The following CARMIL1 variants were observed in gnomAD, a reference collection of about 807,000 sequenced individuals.
CARMIL1 encodes the protein F-actin-uncapping protein LRRC16A.
CARMIL1 carries 90 observed loss-of-function variants against 177.1 expected under a neutral mutation model. That is an observed-to-expected ratio of 0.51 (90% CI 0.43 to 0.61). The LOEUF (loss-of-function observed/expected upper bound fraction) is 0.61, where lower values mean the gene tolerates loss of function less well. Among genes scored for constraint, CARMIL1 ranks in the 20% least tolerant of loss-of-function variants. CARMIL1 has a pLI of 0.00. For missense variants in CARMIL1, 1,380 were observed against 1,667.0 expected, an observed-to-expected ratio of 0.83 and a Z score of 3.00; for synonymous variants, 577 against 606.2, an observed-to-expected ratio of 0.95 and a Z score of 0.71.
At chr6:25,416,883 T>A (rs1194681630) in intron 2 of CARMIL1, among the ~76,000 whole-genome samples, 1 of 152,188 alleles carries the variant, frequency 6.6e-6, no homozygotes, top group Non-Finnish European at 1.5e-5. Flanking sequence ...ATTTTACCTC[T>A]ATGCAGAGGT....
At chr6:25,594,170 T>C (rs1814592844) in intron 31 of CARMIL1, among the ~76,000 whole-genome samples, 1 of 152,210 alleles carries the variant, frequency 6.6e-6, no homozygotes, top group Admixed American at 6.5e-5. Context: ...AGGTCCAAGC[T>C]TCTGATGTAC....
chr6:25,581,128 G>T (rs531168332), intron 30 of CARMIL1, 115 bp from the exon 31 acceptor site: 2 of 1,263,756 alleles, frequency 1.6e-6, no homozygotes, highest in Admixed American at 2.2e-5. Context: ...ATCTGTGAAT[G>T]TGTGTTTGCT....
chr6:25,331,965 T>C (rs887083135), intron 2 of CARMIL1, among the ~76,000 whole-genome samples: 10 of 152,234 alleles, frequency 6.6e-5, no homozygotes, highest in Non-Finnish European at 1.2e-4. Flanking sequence ...TTTAAAAATC[T>C]TGTGTGCTTC....
chr6:25,535,795 T>C (rs1028371856), intron 24 of CARMIL1, among the ~76,000 whole-genome samples: 1 of 152,242 alleles, frequency 6.6e-6, no homozygotes, highest in Non-Finnish European at 1.5e-5. Context: ...AATCATTGCA[T>C]GTCATCTTAA....
At chr6:25,310,167 G>A (rs1213648457) in intron 2 of CARMIL1, among the ~76,000 whole-genome samples, 2 of 152,120 alleles carry the variant, frequency 1.3e-5, no homozygotes, top group African/African-American at 4.8e-5. Context: ...ACAAGTTTTT[G>A]TGTGGGCATA....
At chr6:25,450,031 T>G in intron 6 of CARMIL1, 36 bp downstream of exon 6, 6 of 1,502,232 alleles carry the variant, frequency 4.0e-6, no homozygotes, top group Non-Finnish European at 5.5e-6. Flanking sequence ...TGTGAATAGC[T>G]GGATGGATAT....
At chr6:25,571,171 G>A (rs1317801495) in intron 29 of CARMIL1, among the ~76,000 whole-genome samples, 1 of 151,980 alleles carries the variant, frequency 6.6e-6, no homozygotes, top group East Asian at 1.9e-4. Context: ...GGGAAGGTAG[G>A]TCTAGGATAT....
intron 13 of CARMIL1, among the ~76,000 whole-genome samples, chr6:25,489,556 A>T (rs916450635): frequency 6.6e-6 from 1 of 152,184 alleles, no homozygotes; most frequent in Non-Finnish European, 1.5e-5. Flanking sequence ...AGTCACCAAG[A>T]TAGAATTGTT....
At chr6:25,502,134 ATTAT>A (rs142806681) in intron 17 of CARMIL1, among the ~76,000 whole-genome samples, 26 of 151,742 alleles carry the variant, frequency 1.7e-4, no homozygotes, top group African/African-American at 5.8e-4. Context: ...ATATTAATTA[ATTAT>A]TTGTTTACCA....
At chr6:25,299,561 G>A (rs143215342) in intron 2 of CARMIL1, among the ~76,000 whole-genome samples, 8 of 152,110 alleles carry the variant, frequency 5.3e-5, no homozygotes, top group African/African-American at 1.9e-4. Flanking sequence ...TTGACATTTT[G>A]GTCAAAACAA....
At chr6:25,464,044 G>A (rs180801464) in intron 8 of CARMIL1, among the ~76,000 whole-genome samples, 1 of 151,892 alleles carries the variant, frequency 6.6e-6, no homozygotes. Flanking sequence ...GGATGGTCTC[G>A]ATCTCCTGAC....
intron 29 of CARMIL1, 91 bp from the exon 30 acceptor site, chr6:25,580,833 T>G: frequency 1.0e-6 from 1 of 957,948 alleles, no homozygotes; most frequent in South Asian, 1.4e-5. Flanking sequence ...ACTACTGAGT[T>G]AAACAGTCGA....
At chr6:25,374,977 A>T (rs748311946) in intron 2 of CARMIL1, among the ~76,000 whole-genome samples, 1 of 152,174 alleles carries the variant, frequency 6.6e-6, no homozygotes, top group African/African-American at 2.4e-5. Flanking sequence ...CCATTCTGCC[A>T]AAGTATATCT....
At chr6:25,594,563 T>G (rs1389021860) in intron 32 of CARMIL1, 36 bp downstream of exon 32, 2 of 1,131,034 alleles carry the variant, frequency 1.8e-6, no homozygotes, top group South Asian at 2.7e-5. Context: ...AATGCTATTT[T>G]ATTCATATTT....
chr6:25,545,025 G>A lies in CARMIL1; in HGVS notation c.2328+4947G>A, dbSNP rs185552566. Among the ~76,000 whole-genome samples the A allele has an allele frequency of 5.3e-5, 8 of 152,234 alleles. No homozygotes were observed. The East Asian group carries it at 7.7e-4, about 15-fold the overall frequency. On this transcript the variant is annotated intron_variant, in intron 26 of 36. Coordinates refer to ENST00000329474, the MANE Select transcript of CARMIL1 (RefSeq NM_017640.6). ...TTATGTACATTTCAAGGGATCAGTAGCCACATGTGGCTAATGCCTCCCTTA... is the reference window on the plus strand; with the variant it reads ...TTATGTACATTTCAAGGGATCAGTAACCACATGTGGCTAATGCCTCCCTTA...
Position 25,452,151 on chromosome 6 carries a change from C to T in CARMIL1, c.614+1440C>T, listed in dbSNP as rs773889313. 128 of 764,884 alleles carry T rather than the reference C, an allele frequency of 1.7e-4. No homozygotes were observed. The East Asian group carries it at 2.4e-3, about 14-fold the overall frequency. 47.4% of individuals were successfully genotyped at this position (764,884 alleles called of 1,614,324 possible). A position where few individuals can be genotyped will look rare whatever the true frequency, so the allele number is the denominator to read the frequency against. On this transcript the variant is annotated intron_variant, in intron 8 of 36. Transcript: ENST00000329474. The stretch of plus-strand genomic sequence containing the variant: ...CTCCTCTTTGCACAGCCTGGGACTA[C>T]GGAAGATGGTGAAGCAGGCTCAGCT...
At chr6:25,488,433 T>C (rs1428621148) in intron 12 of CARMIL1, 49 bp from the exon 13 acceptor site, 9 of 1,359,534 alleles carry the variant, frequency 6.6e-6, no homozygotes, top group Non-Finnish European at 9.5e-6. Context: ...ACAAACCTCA[T>C]TTTGTTTCCT....
intron 29 of CARMIL1, among the ~76,000 whole-genome samples, chr6:25,578,767 G>A (rs1388154580): frequency 3.9e-5 from 6 of 152,126 alleles, no homozygotes; most frequent in Non-Finnish European, 8.8e-5. Context: ...GATATGATAG[G>A]TATAGATTTA....
intron 2 of CARMIL1, among the ~76,000 whole-genome samples, chr6:25,347,754 A>C (rs74898478): frequency 1.0e-3 from 153 of 152,368 alleles, no homozygotes; most frequent in African/African-American, 3.3e-3. Flanking sequence ...ACAGTAATAC[A>C]ATACTATTAA....
Sources: allele counts gnomAD v4.1 joint callset (sites outside exome capture counted in the v4.1 genomes callset), GRCh38; gene constraint gnomAD v4.1.1; transcripts MANE v1.5; gene names NCBI Gene and HGNC (gene_info 2026-07-23, HGNC 2026-07-21).